PKHD1L1: variants seen among roughly 807,000 people sequenced by gnomAD.
PKHD1L1 encodes fibrocystin-L.
A neutral mutation model predicts 462.9 loss-of-function variants in PKHD1L1; 434 were observed. That is an observed-to-expected ratio of 0.94 (90% confidence interval 0.87 to 1.02). The LOEUF (loss-of-function observed/expected upper bound fraction) is 1.02. Among genes scored for constraint, PKHD1L1 ranks in the 50% least tolerant of loss-of-function variants. The pLI is 0.00. For missense variants in PKHD1L1, 5,202 were observed against 5,096.1 expected (o/e 1.02, Z -0.63); for synonymous variants, 1,781 against 1,750.0 (o/e 1.02, Z -0.44).
chr8:109,404,562 T>C lies in PKHD1L1; in HGVS notation c.1382T>C (p.Ile461Thr), dbSNP rs1399546072. Residue 461 changes from isoleucine (I) to threonine (T), a missense_variant, in exon 15 of 78, where the codon ATT becomes ACT. By Grantham distance (89) the Ile-to-Thr change is moderately conservative. Transcript: ENST00000378402. ...GTTACTCTATTTTCCAGATACTATA[T>C]TGAAATCTTGCTGCAGGAGTACAGA... ...IHLQKGKEYY[I>T]EILLQEYRLS... 13 of 1,555,066 alleles carry C rather than the reference T, an allele frequency of 8.4e-6. No individual in the cohort carries two copies. Among genetic ancestry groups the C allele is most frequent in the East Asian group, 4.7e-5 (2 of 42,388 alleles).
intron 35 of PKHD1L1, among the ~76,000 whole-genome samples, chr8:109,442,406 T>C (rs563703665): frequency 3.9e-5 from 6 of 152,306 alleles, no homozygotes; most frequent in Non-Finnish European, 8.8e-5. Flanking sequence ...ATATTAGAAA[T>C]ATCTTATATT....
intron 17 of PKHD1L1, among the ~76,000 whole-genome samples, chr8:109,407,016 A>G (rs1813589471): frequency 1.3e-5 from 2 of 152,126 alleles, no homozygotes; most frequent in Non-Finnish European, 2.9e-5. Flanking sequence ...AGTAATAGCT[A>G]TTAACCGCCT....
chr8:109,408,400 T>C (rs576324121), intron 18 of PKHD1L1, among the ~76,000 whole-genome samples, 194 bp downstream of exon 18: 1 of 152,192 alleles, frequency 6.6e-6, no homozygotes, highest in South Asian at 2.1e-4. Context: ...GTCAACCTAG[T>C]GCAGCCACCT....
At position 109,419,217 on chromosome 8, in the gene PKHD1L1, T is replaced by C; in HGVS notation, c.2481T>C (p.Asp827=). The C allele has an allele frequency of 6.2e-7, 1 of 1,612,390 alleles. No homozygotes were observed. The highest frequency in any genetic ancestry group is 1.1e-5 in the South Asian group (1 of 90,844). The change falls in exon 22 of 78, where the codon GAT becomes GAC. Residue 827 remains aspartate, a synonymous_variant. Transcript: ENST00000378402. ...CAGAATCACAGTCCTTCTATGTGGATGTAGTGTACATTGGACACACATCTA... is the reference window on the plus strand; with the variant it reads ...CAGAATCACAGTCCTTCTATGTGGACGTAGTGTACATTGGACACACATCTA... ...KASESQSFYV[D]VVYIGHTSTI...
chr8:109,479,000 A>T (rs1818136678), intron 53 of PKHD1L1, among the ~76,000 whole-genome samples: 1 of 152,130 alleles, frequency 6.6e-6, no homozygotes, highest in South Asian at 2.1e-4. Flanking sequence ...GGCTTTGTTG[A>T]TCGTAACATG....
At chr8:109,437,722 G>A (rs28634300) in intron 30 of PKHD1L1, among the ~76,000 whole-genome samples, 7,324 of 151,130 alleles carry the variant, frequency 0.048, 255 homozygotes, top group Non-Finnish European at 0.079. Context: ...GAGAATTGAG[G>A]GGATATGGTA....
At chr8:109,431,805 A>G (rs912389317) in intron 27 of PKHD1L1, among the ~76,000 whole-genome samples, 2 of 152,164 alleles carry the variant, frequency 1.3e-5, no homozygotes, top group African/African-American at 2.4e-5. Context: ...CTCCTATTGC[A>G]TACGTGTTAG....
intron 10 of PKHD1L1, among the ~76,000 whole-genome samples, chr8:109,394,951 G>A (rs1249070656): frequency 6.6e-6 from 1 of 152,128 alleles, no homozygotes; most frequent in African/African-American, 2.4e-5. Context: ...CACTCACATT[G>A]GCCTACAATT....
chr8:109,412,518 A>T, intron 20 of PKHD1L1, 104 bp downstream of exon 20: 1 of 1,245,986 alleles, frequency 8.0e-7, no homozygotes, highest in Non-Finnish European at 1.1e-6. Context: ...TATAAATAGT[A>T]TGTCATATTG....
chr8:109,443,767 T>A lies in PKHD1L1; in HGVS notation c.4656T>A (p.Asn1552Lys). 1 of 1,613,818 alleles carries A rather than the reference T, an allele frequency of 6.2e-7. No individual in the cohort carries two copies. The highest frequency in any genetic ancestry group is 8.5e-7 in the Non-Finnish European group (1 of 1,179,786). ...GCCTGAACAATACCAGGGTTAAAAA[T>A]TCAAAAAGATTGCTATTTGAGGTTT... ...LCSLNNTRVK[N>K]SKRLLFEVSS... The change falls in exon 37 of 78, where the codon AAT becomes AAA. Residue 1552 changes from asparagine to lysine, a missense_variant. Coordinates refer to ENST00000378402, the MANE Select transcript of PKHD1L1 (RefSeq NM_177531.6).
At position 109,530,263 on chromosome 8, in the gene PKHD1L1, A is replaced by C; in HGVS notation, c.*173A>C. The C allele has an allele frequency of 2.9e-6, 1 of 343,846 alleles. No individual in the cohort carries two copies. Among genetic ancestry groups the C allele is most frequent in the East Asian group, 5.4e-5 (1 of 18,362 alleles). The allele number at this position is 343,846 out of a possible 1,614,324, so 21.3% of individuals were successfully genotyped here. A position where few individuals can be genotyped will look rare whatever the true frequency, so the allele number is the denominator to read the frequency against. On this transcript the variant is annotated 3_prime_UTR_variant, in exon 78 of 78. Transcript: ENST00000378402. ...CTAAAATCAGATTTCTTCAAAATAT[A>C]AATTTGTTTTGATTCTTTATATTTA...
chr8:109,363,381 G>A (rs1396208893), intron 1 of PKHD1L1, among the ~76,000 whole-genome samples: 9 of 152,144 alleles, frequency 5.9e-5, no homozygotes, highest in Admixed American at 5.9e-4. Context: ...CTGGGGCCTC[G>A]GAACTGGTCT....
intron 51 of PKHD1L1, among the ~76,000 whole-genome samples, chr8:109,475,703 C>G (rs970257979): frequency 6.6e-6 from 1 of 151,314 alleles, no homozygotes; most frequent in South Asian, 2.1e-4. Context: ...AAAGATTAGC[C>G]GGGTGTGGTG....
At chr8:109,480,249 A>G (rs943919158) in intron 55 of PKHD1L1, 110 bp downstream of exon 55, 1 of 1,169,824 alleles carries the variant, frequency 8.5e-7, no homozygotes, top group African/African-American at 1.6e-5. Context: ...TAAAAACACA[A>G]CTGGCTCTAT....
chr8:109,528,069 TAG>T (rs1820905289), intron 77 of PKHD1L1, among the ~76,000 whole-genome samples: 1 of 152,122 alleles, frequency 6.6e-6, no homozygotes, highest in Non-Finnish European at 1.5e-5. Flanking sequence ...CATTGAATAT[TAG>T]AGAGATTGAT....
At chr8:109,487,541 C>A (rs887269111) in intron 59 of PKHD1L1, among the ~76,000 whole-genome samples, 3 of 144,598 alleles carry the variant, frequency 2.1e-5, no homozygotes, top group Admixed American at 1.5e-4. Flanking sequence ...AATCTTAAAT[C>A]TCTGATTCAT....
chr8:109,524,153 G>A (rs940704194), intron 76 of PKHD1L1, among the ~76,000 whole-genome samples: 6 of 152,102 alleles, frequency 3.9e-5, no homozygotes, highest in Non-Finnish European at 8.8e-5. Flanking sequence ...AACCGCTTAC[G>A]TTTGAGAAAG....
In PKHD1L1 at chr8:109,501,351, G is replaced by T. The variant is rs575712772; in HGVS notation, c.10828+2580G>T. ...TGTCGAACGTGAGTTCTTTAGTCCA[G>T]GGTGATGTTATGCAGGAGCCCGTGC... On this transcript the variant is annotated intron_variant, in intron 67 of 77. Transcript: ENST00000378402. 2.0e-5 allele frequency among the ~76,000 whole-genome samples: 3 copies of T among 152,192 alleles called. No individual in the cohort carries two copies. The East Asian group carries it at 5.8e-4, about 29-fold the overall frequency.
In PKHD1L1 at chr8:109,497,160, G is replaced by A. The variant is rs376788695; in HGVS notation, c.10487G>A (p.Ser3496Asn). 119 of 1,613,818 alleles carry A rather than the reference G, an allele frequency of 7.4e-5. No homozygotes were observed. The African/African-American group carries it at 1.3e-3, about 17-fold the overall frequency. ...DYGIYFQTTESVHIYNVTLVD... is the reference protein window; with the variant it reads ...DYGIYFQTTENVHIYNVTLVD... ...CAAATTCTATTGCAGACCACAGAGA[G>A]TGTGCACATTTATAATGTGACCCTG... Residue 3496 changes from serine (S) to asparagine (N), a missense_variant, in exon 65 of 78, where the codon AGT (serine) becomes AAT (asparagine). Around this residue, in one of 3 missense-constraint regions of PKHD1L1, gnomAD observed 4,497 missense variants for 4,336.8 expected, o/e 1.04. Transcript: ENST00000378402.
Sources: allele counts gnomAD v4.1 joint callset (sites outside exome capture counted in the v4.1 genomes callset), GRCh38; gene constraint gnomAD v4.1.1; regional missense constraint gnomAD v4.1.1; transcripts MANE v1.5; gene names NCBI Gene and HGNC (gene_info 2026-07-23, HGNC 2026-07-21).